The following CDC42BPB variants were observed in gnomAD, a reference collection of about 807,000 sequenced individuals.
The protein encoded by CDC42BPB is CDC42 binding protein kinase beta, also known as serine/threonine-protein kinase MRCK beta.
Under a neutral mutation model 214.9 loss-of-function variants are expected in CDC42BPB, and 37 were observed. The ratio of observed to expected loss-of-function variants is 0.17; its 90% CI spans 0.13 to 0.23. The LOEUF (loss-of-function observed/expected upper bound fraction) is 0.23. Ranked by LOEUF, CDC42BPB falls within the 10% of genes least tolerant of loss-of-function variation. The pLI, the probability that CDC42BPB is intolerant of heterozygous loss-of-function variation, is 1.00. For synonymous variants in CDC42BPB, 931 were observed against 884.0 expected (o/e 1.05, Z -0.94); for missense variants, 1,694 against 2,227.0 (o/e 0.76, Z 4.82).
chr14:102,954,362 T>C (rs1892624295), intron 22 of CDC42BPB, 87 bp from the exon 23 acceptor site: 17 of 1,448,626 alleles, frequency 1.2e-5, no homozygotes, highest in Non-Finnish European at 1.6e-5. Flanking sequence ...CTCTCAAGAA[T>C]GTGTTAACAG....
At chr14:103,029,349 G>C (rs1475971505) in intron 1 of CDC42BPB, among the ~76,000 whole-genome samples, 2 of 152,076 alleles carry the variant, frequency 1.3e-5, no homozygotes, top group Non-Finnish European at 2.9e-5. Context: ...AAACCATCCT[G>C]GCTAACACGG....
At chr14:102,964,359 C>T (rs978503134) in intron 19 of CDC42BPB, 143 bp downstream of exon 19, 16 of 944,698 alleles carry the variant, frequency 1.7e-5, no homozygotes, top group Middle Eastern at 3.2e-4. Context: ...CAGGTGAACC[C>T]GACGTGCTGC....
chr14:102,972,601 A>G (rs969234946), intron 12 of CDC42BPB, among the ~76,000 whole-genome samples: 4 of 151,100 alleles, frequency 2.6e-5, no homozygotes, highest in Non-Finnish European at 4.4e-5. Context: ...AGGCAGGAGA[A>G]CGGTGTGAAC....
intron 13 of CDC42BPB, 51 bp from the exon 14 acceptor site, chr14:102,970,312 C>T (rs768702888): frequency 6.4e-7 from 1 of 1,560,398 alleles, no homozygotes; most frequent in South Asian, 1.2e-5. Context: ...CCCTGCTTCA[C>T]CAGTTACAGC....
chr14:102,940,417 T>C, intron 30 of CDC42BPB, 93 bp from the exon 31 acceptor site: 9 of 1,535,750 alleles, frequency 5.9e-6, no homozygotes, highest in Non-Finnish European at 7.9e-6. Flanking sequence ...CTTGAACAAG[T>C]GCAGAGGCGG....
At chr14:103,043,564 G>T (rs991439588) in intron 1 of CDC42BPB, among the ~76,000 whole-genome samples, 1 of 152,084 alleles carries the variant, frequency 6.6e-6, no homozygotes, top group Non-Finnish European at 1.5e-5. Context: ...TTCCTTTGGC[G>T]GTGATGGCGA....
In CDC42BPB at chr14:102,943,683, G is replaced by T; in HGVS notation, c.4408+208C>A. ...AACCGGCCCCATGTGCTCAGGGAGA[G>T]AGGTTGCTGAGCCCGCCTACTGCTG... On this transcript the variant is annotated intron_variant, in intron 30 of 36. Coordinates refer to ENST00000361246, the MANE Select transcript of CDC42BPB (RefSeq NM_006035.4). The surrounding 1 kb of genome is among the most constrained non-coding windows in gnomAD (Gnocchi z 4.6). 1.8e-6 allele frequency: 1 copy of T among 568,312 alleles called. No individual in the cohort carries two copies. Among genetic ancestry groups the T allele is most frequent in the Non-Finnish European group, 3.1e-6 (1 of 324,184 alleles). The allele number at this position is 568,312 out of a possible 1,614,324, so 35.2% of individuals were successfully genotyped here. A position where few individuals can be genotyped will look rare whatever the true frequency, so the allele number is the denominator to read the frequency against.
chr14:102,971,617 G>C (rs1893477102), intron 13 of CDC42BPB, among the ~76,000 whole-genome samples: 1 of 152,188 alleles, frequency 6.6e-6, no homozygotes, highest in Non-Finnish European at 1.5e-5. Flanking sequence ...ACTGCCACCT[G>C]CCCTGTGTGG....
intron 1 of CDC42BPB, among the ~76,000 whole-genome samples, chr14:103,026,307 C>T (rs187896071): frequency 5.9e-5 from 9 of 151,950 alleles, no homozygotes; most frequent in East Asian, 2.0e-4. Context: ...AGGAGAATCG[C>T]GTGAACCTGG....
chr14:102,964,802 GT>G (rs1893121029), intron 18 of CDC42BPB, 152 bp from the exon 19 acceptor site: 1 of 1,290,508 alleles, frequency 7.7e-7, no homozygotes, highest in Admixed American at 4.0e-5. Flanking sequence ...AGGAGTTTTA[GT>G]TTTGATATTT....
chr14:102,971,571 C>T (rs1893475170), intron 13 of CDC42BPB, among the ~76,000 whole-genome samples: 1 of 152,232 alleles, frequency 6.6e-6, no homozygotes, highest in South Asian at 2.1e-4. Context: ...GGATTCCAGG[C>T]GTGAGCCCCG....
Position 102,933,509 on chromosome 14 carries a change from T to C in CDC42BPB, c.*203A>G, listed in dbSNP as rs866840115. On this transcript the variant is annotated 3_prime_UTR_variant, in exon 37 of 37. Transcript: ENST00000361246. ...ATGGAACAGCATCGCCTCACAGCTG[T>C]GCAGACGAACAGATGTGGTCTACTG... is the stretch of plus-strand genomic sequence containing the variant. 48 of 466,394 alleles carry C rather than the reference T, an allele frequency of 1.0e-4. No individual in the cohort carries two copies. In the Middle Eastern group the frequency reaches 5.8e-3, roughly 56 times the overall value. 28.9% of individuals were successfully genotyped at this position (466,394 alleles called of 1,614,324 possible). A position where few individuals can be genotyped will look rare whatever the true frequency, so the allele number is the denominator to read the frequency against.
At chr14:102,994,281 T>C (rs1894625503) in intron 5 of CDC42BPB, among the ~76,000 whole-genome samples, 1 of 152,184 alleles carries the variant, frequency 6.6e-6, no homozygotes, top group Admixed American at 6.5e-5. Context: ...GAAGGCCATC[T>C]TCCTTGTATA....
intron 1 of CDC42BPB, among the ~76,000 whole-genome samples, chr14:103,048,085 G>A (rs1479111394): frequency 6.6e-6 from 1 of 152,122 alleles, no homozygotes; most frequent in African/African-American, 2.4e-5. Context: ...GCACTCCAAG[G>A]AGGACTGCTC....
chr14:102,997,966 G>A (rs904403367), intron 5 of CDC42BPB, among the ~76,000 whole-genome samples: 13 of 152,120 alleles, frequency 8.5e-5, no homozygotes, highest in Non-Finnish European at 8.8e-5. Context: ...CCAACATGGC[G>A]AAATCCCATC....
rs1371445562 is a variant in CDC42BPB at position 102,943,685 on chromosome 14, G to A, written c.4408+206C>T. 9 of 569,576 alleles carry A rather than the reference G, an allele frequency of 1.6e-5. No homozygotes were observed. Among genetic ancestry groups the A allele is most frequent in the East Asian group, 1.4e-4 (5 of 34,628 alleles). The allele number at this position is 569,576 out of a possible 1,614,324, so 35.3% of individuals were successfully genotyped here. A position where few individuals can be genotyped will look rare whatever the true frequency, so the allele number is the denominator to read the frequency against. ...CCGGCCCCATGTGCTCAGGGAGAGAGGTTGCTGAGCCCGCCTACTGCTGGT... is the reference window on the plus strand; with the variant it reads ...CCGGCCCCATGTGCTCAGGGAGAGAAGTTGCTGAGCCCGCCTACTGCTGGT... On this transcript the variant is annotated intron_variant, in intron 30 of 36. Transcript: ENST00000361246. This position sits in a 1 kb window ranked among gnomAD's most constrained non-coding sequence, Gnocchi z 4.6.
chr14:103,049,957 C>T (rs558448073), intron 1 of CDC42BPB, among the ~76,000 whole-genome samples: 3 of 152,274 alleles, frequency 2.0e-5, no homozygotes, highest in African/African-American at 4.8e-5. Flanking sequence ...GTGATCCACC[C>T]GTCTCGGCCT....
intron 8 of CDC42BPB, 154 bp from the exon 9 acceptor site, chr14:102,978,359 G>A: frequency 6.1e-6 from 6 of 984,834 alleles, no homozygotes; most frequent in Non-Finnish European, 7.2e-6. Flanking sequence ...CAGGGGAGAT[G>A]AGTATAGCAG....
chr14:103,000,286 G>C (rs1894918788), intron 4 of CDC42BPB, among the ~76,000 whole-genome samples: 1 of 152,268 alleles, frequency 6.6e-6, no homozygotes, highest in Non-Finnish European at 1.5e-5. Flanking sequence ...TAACAGGGCT[G>C]AGCCCGTCAC....
Sources: allele counts gnomAD v4.1 joint callset (sites outside exome capture counted in the v4.1 genomes callset), GRCh38; gene constraint gnomAD v4.1.1; non-coding constraint Gnocchi (gnomAD v3.1); transcripts MANE v1.5; gene names NCBI Gene and HGNC (gene_info 2026-07-23, HGNC 2026-07-21).